Variants in GBE1 observed in about 807,000 individuals in gnomAD.
GBE1 encodes 1,4-alpha-glucan branching enzyme 1.
In GBE1, 70 loss-of-function variants were observed where a neutral mutation model predicts 88.8. The ratio of observed to expected loss-of-function variants is 0.79; its 90% confidence interval spans 0.65 to 0.96. The LOEUF (loss-of-function observed/expected upper bound fraction) is 0.96, where lower values mean the gene tolerates loss of function less well. Ranked by LOEUF, GBE1 falls within the 40% of genes least tolerant of loss-of-function variation. GBE1 has a pLI of 0.00. For synonymous variants in GBE1, 284 were observed against 300.1 expected (o/e 0.95, Z 0.56); for missense variants, 872 against 871.0 (o/e 1.00, Z -0.01).
chr3:81,728,872 A>G (rs1706149574), intron 1 of GBE1, among the ~76,000 whole-genome samples: 1 of 152,050 alleles, frequency 6.6e-6, no homozygotes, highest in Admixed American at 6.6e-5. Context: ...AAGTCTATCA[A>G]GTATCGTCCA....
At chr3:81,596,419 A>G (rs1204209870) in intron 7 of GBE1, among the ~76,000 whole-genome samples, 1 of 151,880 alleles carries the variant, frequency 6.6e-6, no homozygotes, top group Non-Finnish European at 1.5e-5. Context: ...GTATATCTCC[A>G]AATGCTATCT....
At chr3:81,518,562 G>A (rs954238830) in intron 14 of GBE1, among the ~76,000 whole-genome samples, 1 of 151,234 alleles carries the variant, frequency 6.6e-6, no homozygotes, top group Non-Finnish European at 1.5e-5. Flanking sequence ...TAAATCATAG[G>A]CTTTTTATGA....
intron 7 of GBE1, among the ~76,000 whole-genome samples, chr3:81,595,104 T>A (rs187147033): frequency 1.5e-3 from 227 of 151,114 alleles, no homozygotes; most frequent in African/African-American, 5.3e-3. Context: ...TAAGTTACTT[T>A]GAGTTTCGAA....
At chr3:81,726,309 G>A (rs1706111283) in intron 1 of GBE1, among the ~76,000 whole-genome samples, 3 of 152,034 alleles carry the variant, frequency 2.0e-5, no homozygotes, top group Admixed American at 1.3e-4. Flanking sequence ...TCATGCTTCA[G>A]TGCCACTGCT....
chr3:81,580,467 C>T (rs1037616265), intron 11 of GBE1, among the ~76,000 whole-genome samples: 5 of 151,912 alleles, frequency 3.3e-5, no homozygotes, highest in Non-Finnish European at 5.9e-5. Context: ...GATGCAGATG[C>T]GTGGGGAAAA....
At chr3:81,656,157 C>G (rs1396102469) in intron 3 of GBE1, among the ~76,000 whole-genome samples, 2 of 152,146 alleles carry the variant, frequency 1.3e-5, no homozygotes, top group Non-Finnish European at 2.9e-5. Context: ...GATATCCACA[C>G]CCTACGCCAA....
chr3:81,623,863 G>T (rs936401569), intron 7 of GBE1, among the ~76,000 whole-genome samples: 1 of 152,036 alleles, frequency 6.6e-6, no homozygotes, highest in Non-Finnish European at 1.5e-5. Flanking sequence ...AAAGATGGGG[G>T]TCTCACTATG....
chr3:81,683,106 T>TA (rs1412921147), intron 2 of GBE1, among the ~76,000 whole-genome samples: 2 of 152,148 alleles, frequency 1.3e-5, no homozygotes, highest in Non-Finnish European at 2.9e-5. Context: ...GGATGATAGC[T>TA]AAAGGGTATG....
At chr3:81,502,331 A>C (rs2106815143) in intron 14 of GBE1, among the ~76,000 whole-genome samples, 1 of 152,332 alleles carries the variant, frequency 6.6e-6, no homozygotes, top group Non-Finnish European at 1.5e-5. Flanking sequence ...ACTTTATATA[A>C]TTGGTAGCCA....
chr3:81,698,781 G>T (rs1020634014), intron 2 of GBE1, among the ~76,000 whole-genome samples: 2 of 152,084 alleles, frequency 1.3e-5, no homozygotes, highest in African/African-American at 4.8e-5. Flanking sequence ...ATCAGTCAGC[G>T]GCATTTACAA....
chr3:81,668,824 A>AGC (rs1319369621), intron 3 of GBE1, among the ~76,000 whole-genome samples: 1 of 152,176 alleles, frequency 6.6e-6, no homozygotes, highest in Non-Finnish European at 1.5e-5. Flanking sequence ...CCACACACCT[A>AGC]GCTCCTTAGC....
chr3:81,560,945 C>T (rs9819406), intron 12 of GBE1, among the ~76,000 whole-genome samples: 97,394 of 151,762 alleles, frequency 0.64, 32,734 homozygotes, highest in East Asian at 0.91. Flanking sequence ...GTTTTAAAAG[C>T]TATAGTATTA....
At chr3:81,751,498 G>A (rs1435890635) in intron 1 of GBE1, among the ~76,000 whole-genome samples, 1 of 152,204 alleles carries the variant, frequency 6.6e-6, no homozygotes, top group East Asian at 1.9e-4. Context: ...ACCAGTTGAA[G>A]TTTACAAGAA....
intron 1 of GBE1, among the ~76,000 whole-genome samples, chr3:81,711,868 AACCTAC>A (rs1705872656): frequency 6.6e-6 from 1 of 152,170 alleles, no homozygotes; most frequent in Non-Finnish European, 1.5e-5. Context: ...GTGAACAGAC[AACCTAC>A]AGAATGGGAG....
chr3:81,500,338 A>C (rs1287714170), intron 14 of GBE1, among the ~76,000 whole-genome samples: 1 of 152,186 alleles, frequency 6.6e-6, no homozygotes, highest in Admixed American at 6.6e-5. Context: ...AAATGATTTC[A>C]GCCTACCAAT....
intron 12 of GBE1, among the ~76,000 whole-genome samples, chr3:81,573,073 C>G (rs1389004495): frequency 1.3e-5 from 2 of 151,668 alleles, no homozygotes; most frequent in African/African-American, 2.4e-5. Flanking sequence ...ACGAAGCATA[C>G]TTAGCCAATG....
intron 3 of GBE1, among the ~76,000 whole-genome samples, chr3:81,657,321 C>T (rs565440568): frequency 1.3e-5 from 2 of 151,802 alleles, no homozygotes; most frequent in South Asian, 4.2e-4. Flanking sequence ...TACCCAATAC[C>T]TGACATATTT....
At chr3:81,649,992 G>T in intron 3 of GBE1, 71 bp from the exon 4 acceptor site, 1 of 1,238,116 alleles carries the variant, frequency 8.1e-7, no homozygotes, top group South Asian at 1.3e-5. Flanking sequence ...TGGTTTAGGA[G>T]CACTGCTACA....
At chr3:81,631,772 A>G (rs1370700285) in intron 7 of GBE1, among the ~76,000 whole-genome samples, 3 of 151,996 alleles carry the variant, frequency 2.0e-5, no homozygotes, top group African/African-American at 7.2e-5. Context: ...TAAAAAATAA[A>G]AAATTTTTAA....
Sources: gnomAD v4.1 joint callset for allele counts (sites outside exome capture counted in the v4.1 genomes callset) on GRCh38, gnomAD v4.1.1 for gene constraint, MANE v1.5 for transcripts, NCBI Gene and HGNC (gene_info 2026-07-23, HGNC 2026-07-21) for gene names.